Variants in PDHB observed in about 807,000 individuals in gnomAD.
PDHB encodes the protein pyruvate dehydrogenase E1 subunit beta.
In PDHB, 17 loss-of-function variants were observed where a neutral mutation model predicts 42.8. That is an observed-to-expected ratio of 0.40 (90% confidence interval 0.27 to 0.60). PDHB has a LOEUF of 0.60. PDHB is among the 20% of genes least tolerant of loss of function. The pLI, the probability that PDHB is intolerant of heterozygous loss-of-function variation, is 0.46. For synonymous variants in PDHB, 154 were observed against 148.7 expected (o/e 1.04, Z -0.26); for missense variants, 322 against 451.3 (o/e 0.71, Z 2.60).
In PDHB at chr3:58,431,290, T is replaced by C. The variant is rs985613012; in HGVS notation, c.303+303A>G. The C allele has an allele frequency of 2.1e-6, 1 of 465,130 alleles. No individual in the cohort carries two copies. The highest frequency in any genetic ancestry group is 3.9e-6 in the Non-Finnish European group (1 of 255,802). The allele number at this position is 465,130 out of a possible 1,614,324, so 28.8% of individuals were successfully genotyped here. On this transcript the variant is annotated intron_variant, in intron 5 of 9. Transcript: ENST00000302746. The surrounding 1 kb of genome is among the most constrained non-coding windows in gnomAD (Gnocchi z 4.4). ...GGGGATGGGCACAGTGGCTCACGCCTGTAATCCCAGCACTTTGGGAGGCCA... is the reference window on the plus strand; with the variant it reads ...GGGGATGGGCACAGTGGCTCACGCCCGTAATCCCAGCACTTTGGGAGGCCA...
At chr3:58,428,788 A>G in intron 8 of PDHB, 174 bp from the exon 9 acceptor site, 8 of 622,682 alleles carry the variant, frequency 1.3e-5, no homozygotes, top group South Asian at 3.9e-5. Flanking sequence ...AATTTTAATT[A>G]AAACAAAGAT....
rs4264746 is a variant in PDHB at position 58,430,811 on chromosome 3, T to C, written c.435A>G (p.Arg145=). The C allele has an allele frequency of 1, 1,609,406 of 1,614,196 alleles. 802,407 individuals are homozygous for C. Among genetic ancestry groups the C allele is most frequent in the East Asian group, 1 (44,878 of 44,880 alleles). The change falls in exon 6 of 10, where the codon AGA becomes AGG. Residue 145 remains arginine, a synonymous_variant. Coordinates refer to ENST00000302746, the MANE Select transcript of PDHB (RefSeq NM_000925.4). ...GGLQPVPIVF[R]GPNGASAGVA... ...CACCTGCTGAGGCACCATTGGGCCCTCTGAAGACTATAGGCACAGGCTGAA... is the reference window on the plus strand; with the variant it reads ...CACCTGCTGAGGCACCATTGGGCCCCCTGAAGACTATAGGCACAGGCTGAA...
rs930959634 is a variant in PDHB at position 58,429,546 on chromosome 3, C to G, written c.792+162G>C. ...CCTAAGTGACCTGAGTGGTAAAAAGCTAAGTATGTGAACTGCAGGCAGGTT... is the reference window on the plus strand; with the variant it reads ...CCTAAGTGACCTGAGTGGTAAAAAGGTAAGTATGTGAACTGCAGGCAGGTT... On this transcript the variant is annotated intron_variant, in intron 8 of 9. Transcript: ENST00000302746. Among the ~76,000 whole-genome samples, 25 of 152,032 alleles carry G rather than the reference C, an allele frequency of 1.6e-4. 1 individual carries two copies. Among genetic ancestry groups the G allele is most frequent in the African/African-American group, 6.0e-4 (25 of 41,388 alleles).
chr3:58,433,559 G>A (rs2062942528), intron 2 of PDHB, 72 bp downstream of exon 2: 18 of 1,505,504 alleles, frequency 1.2e-5, no homozygotes, highest in South Asian at 1.2e-5. Context: ...GCGCAGGCGC[G>A]ACTCCGGCCT....
intron 7 of PDHB, 131 bp from the exon 8 acceptor site, chr3:58,429,930 G>A: frequency 1.3e-6 from 1 of 748,042 alleles, no homozygotes; most frequent in Non-Finnish European, 2.4e-6. Context: ...GCTGAGGAAT[G>A]TGGCAGCCTT....
Position 58,431,405 on chromosome 3 carries a change from T to C in PDHB, c.303+188A>G. The C allele has an allele frequency of 1.7e-6, 1 of 597,642 alleles. No individual in the cohort carries two copies. The allele number at this position is 597,642 out of a possible 1,614,324, so 37.0% of individuals were successfully genotyped here. ...CTCTACTAAAAACACAAAAATTGGC[T>C]AGGCACAGTGGCGCGACCTGTAACC... On this transcript the variant is annotated intron_variant, in intron 5 of 9. Coordinates refer to ENST00000302746, the MANE Select transcript of PDHB (RefSeq NM_000925.4). This position sits in a 1 kb window ranked among gnomAD's most constrained non-coding sequence, Gnocchi z 4.4.
intron 2 of PDHB, chr3:58,433,015 A>C (rs552120699): frequency 1.3e-5 from 2 of 154,014 alleles, no homozygotes; most frequent in East Asian, 1.9e-4. Flanking sequence ...ATACATATAT[A>C]TATTATTCAG....
In PDHB at chr3:58,431,181, C is replaced by T; in HGVS notation, c.304-239G>A. The T allele has an allele frequency of 1.8e-6, 1 of 561,460 alleles. No individual in the cohort carries two copies. The highest frequency in any genetic ancestry group is 3.2e-6 in the Non-Finnish European group (1 of 315,824). The allele number at this position is 561,460 out of a possible 1,614,324, so 34.8% of individuals were successfully genotyped here. On this transcript the variant is annotated intron_variant, in intron 5 of 9. Transcript: ENST00000302746. This position sits in a 1 kb window ranked among gnomAD's most constrained non-coding sequence, Gnocchi z 4.4. ...TCAGCATCCCGAGTAGCTGGGACTG[C>T]AGGCAAGCACCACCACATCTACCTA...
rs776671828 is a variant in PDHB at position 58,431,837 on chromosome 3, G to A, written c.204+40C>T. 6 of 1,606,456 alleles carry A rather than the reference G, an allele frequency of 3.7e-6. No homozygotes were observed. The highest frequency in any genetic ancestry group is 4.3e-6 in the Non-Finnish European group (5 of 1,173,058). On this transcript the variant is annotated intron_variant, in intron 3 of 9. Coordinates refer to ENST00000302746, the MANE Select transcript of PDHB (RefSeq NM_000925.4). This position sits in a 1 kb window ranked among gnomAD's most constrained non-coding sequence, Gnocchi z 4.4. The stretch of plus-strand genomic sequence containing the variant: ...CCCTTAAGTGTATCTGGGGGTAACA[G>A]TGACCTCAATTTTGTATAACTTTCA...
intron 8 of PDHB, 92 bp from the exon 9 acceptor site, chr3:58,428,706 A>T (rs2062894715): frequency 5.2e-6 from 6 of 1,162,426 alleles, no homozygotes; most frequent in Non-Finnish European, 7.6e-6. Flanking sequence ...GTTTCCTGTT[A>T]ATCTTTGTAT....
At chr3:58,428,232 C>T (rs545944820) in intron 9 of PDHB, 53 bp from the exon 10 acceptor site, 9 of 1,544,634 alleles carry the variant, frequency 5.8e-6, no homozygotes, top group Admixed American at 3.3e-5. Flanking sequence ...TGGGCACTAC[C>T]ACCTTGGCAC....
At position 58,433,676 on chromosome 3, in the gene PDHB, C is replaced by T; in HGVS notation, c.51G>A (p.Gly17=). The change falls in exon 2 of 10, where the codon GGG becomes GGA. Residue 17 remains glycine, a synonymous_variant. Transcript: ENST00000302746. Reference sequence around the variant, plus strand: ...TCCAGTGAAAGCGCCTCTTCAGCAGCCCGGAGACCTGGCAGGGAGAGAGGA... The same window carrying T: ...TCCAGTGAAAGCGCCTCTTCAGCAGTCCGGAGACCTGGCAGGGAGAGAGGA... The part of the protein sequence containing the change: ...LVRRPLREVS[G]LLKRRFHWTA... The T allele has an allele frequency of 6.2e-7, 1 of 1,612,804 alleles. No homozygotes were observed.
chr3:58,430,073 A>G (rs1173201005), intron 7 of PDHB, 55 bp downstream of exon 7: 1 of 1,096,212 alleles, frequency 9.1e-7, no homozygotes, highest in East Asian at 2.4e-5. Flanking sequence ...ATTAAATTTT[A>G]CCAAAATTGA....
chr3:58,433,398 A>G, intron 2 of PDHB: 2 of 598,558 alleles, frequency 3.3e-6, no homozygotes, highest in Non-Finnish European at 6.0e-6. Context: ...GAGGGAGGAA[A>G]CGCCTAGTCT....
chr3:58,433,822 C>T lies in PDHB; in HGVS notation c.-13G>A, dbSNP rs2107944018. 1 of 1,608,912 alleles carries T rather than the reference C, an allele frequency of 6.2e-7. No homozygotes were observed. Among genetic ancestry groups the T allele is most frequent in the South Asian group, 1.1e-5 (1 of 90,292 alleles). ...ACACCGCCGCCATCTTGGTCGTGTC[C>T]TCTATCCGCTGCCAAACGACAACAG... On this transcript the variant is annotated 5_prime_UTR_variant, in exon 1 of 10. Coordinates refer to ENST00000302746, the MANE Select transcript of PDHB (RefSeq NM_000925.4).
In PDHB at chr3:58,433,758, T is replaced by C; in HGVS notation, c.42+10A>G. The C allele has an allele frequency of 6.2e-7, 1 of 1,612,416 alleles. No homozygotes were observed. The highest frequency in any genetic ancestry group is 8.5e-7 in the Non-Finnish European group (1 of 1,179,646). On this transcript the variant is annotated intron_variant, in intron 1 of 9. Coordinates refer to ENST00000302746, the MANE Select transcript of PDHB (RefSeq NM_000925.4). ...TCGCGTGGGAATACAGGCCGCGCGC[T>C]GCTGCCTACCTCCCGAAGGGGTCTC...
intron 9 of PDHB, 142 bp downstream of exon 9, chr3:58,428,331 G>A: frequency 1.6e-6 from 2 of 1,214,358 alleles, no homozygotes; most frequent in Non-Finnish European, 2.4e-6. Flanking sequence ...ATATCTGCCT[G>A]AAGAGAAATG....
At chr3:58,429,102 C>T (rs899609218) in intron 8 of PDHB, among the ~76,000 whole-genome samples, 6 of 152,162 alleles carry the variant, frequency 3.9e-5, no homozygotes, top group East Asian at 1.9e-4. Flanking sequence ...TGATCCACCA[C>T]GCCCAGCCAA....
At chr3:58,433,180 G>A (rs1323906864) in intron 2 of PDHB, 4 of 236,270 alleles carry the variant, frequency 1.7e-5, no homozygotes, top group African/African-American at 4.7e-5. Flanking sequence ...TACAACAGGG[G>A]TTACCAGGGG....
Sources: gnomAD v4.1 joint callset for allele counts (sites outside exome capture counted in the v4.1 genomes callset) on GRCh38, gnomAD v4.1.1 for gene constraint, Gnocchi (gnomAD v3.1) non-coding constraint, MANE v1.5 for transcripts, NCBI Gene and HGNC (gene_info 2026-07-23, HGNC 2026-07-21) for gene names.